Variants in PHLDB2 observed in about 807,000 individuals in gnomAD.
The protein encoded by PHLDB2 is pleckstrin homology-like domain family B member 2.
PHLDB2 carries 71 observed loss-of-function variants against 123.6 expected under a neutral mutation model. The observed-to-expected ratio is 0.57, with a 90% CI of 0.47 to 0.70. The LOEUF (loss-of-function observed/expected upper bound fraction) is 0.70. Among genes scored for constraint, PHLDB2 ranks in the 30% least tolerant of loss-of-function variants. The pLI, the probability that PHLDB2 is intolerant of heterozygous loss-of-function variation, is 0.00. For synonymous variants in PHLDB2, 547 were observed against 541.6 expected (o/e 1.01, Z -0.14); for missense variants, 1,446 against 1,519.5 (o/e 0.95, Z 0.80).
At chr3:111,772,027 T>TATATTTTGACA (rs1300789222) in intron 1 of PHLDB2, among the ~76,000 whole-genome samples, 1 of 150,266 alleles carries the variant, frequency 6.7e-6, no homozygotes, top group African/African-American at 2.4e-5. Flanking sequence ...TTTTGACAAA[T>TATATTTTGACA]AACCCTTTGA....
Position 111,780,296 on chromosome 3 carries a change from A to T in PHLDB2, c.-49+47593A>T, listed in dbSNP as rs563226763. Among the ~76,000 whole-genome samples, 18 of 1,636 alleles carry T rather than the reference A, an allele frequency of 0.011. 2 individuals carry two copies. In the South Asian group the frequency reaches 0.41, roughly 37 times the overall value. The allele number at this position is 1,636 out of a possible 152,430, so 1.1% of individuals were successfully genotyped here. A position where few individuals can be genotyped will look rare whatever the true frequency, so the allele number is the denominator to read the frequency against. The stretch of plus-strand genomic sequence containing the variant: ...AAAGAAGAAGAAGAAGAAGAAGAAG[A>T]GGAAGAGGAAGAGGAAGAGGAAGAG... On this transcript the variant is annotated intron_variant, in intron 1 of 17. Transcript: ENST00000393923.
chr3:111,909,776 TA>T (rs552148205), intron 2 of PHLDB2, among the ~76,000 whole-genome samples: 12,964 of 139,794 alleles, frequency 0.093, 808 homozygotes, highest in African/African-American at 0.2. Flanking sequence ...TAGGTCCTCC[TA>T]AAAAAAAAAA....
rs62277600 is a variant in PHLDB2, at chr3:111,923,233, G to A, written c.2001+2814G>A. Among the ~76,000 whole-genome samples the A allele has an allele frequency of 5.3e-3, 804 of 152,272 alleles. 2 individuals carry two copies. Among genetic ancestry groups the A allele is most frequent in the Non-Finnish European group, 9.0e-3 (612 of 68,022 alleles). On this transcript the variant is annotated intron_variant, in intron 5 of 17. Coordinates refer to ENST00000431670, the MANE Select transcript of PHLDB2 (RefSeq NM_001134438.2). ...TAAGACTACTAAAGACCTCAGTGGT[G>A]CCCAGCCTGCTGGGTGCTTTTCAGT...
intron 1 of PHLDB2, among the ~76,000 whole-genome samples, chr3:111,870,059 C>T (rs1029368162): frequency 5.3e-5 from 8 of 152,184 alleles, no homozygotes; most frequent in African/African-American, 1.9e-4. Context: ...TTTTTTCTCT[C>T]TCTGCTGTGA....
intron 1 of PHLDB2, among the ~76,000 whole-genome samples, chr3:111,872,148 G>A (rs180798459): frequency 5.1e-4 from 77 of 152,268 alleles, no homozygotes; most frequent in Admixed American, 1.2e-3. Flanking sequence ...TCTCAGATGG[G>A]CACCAGATGC....
rs1415587282 is a variant in PHLDB2, at chr3:111,945,355, G to A, written c.2485G>A (p.Glu829Lys). 1.3e-6 allele frequency: 2 copies of A among 1,590,760 alleles called. No homozygotes were observed. The highest frequency in any genetic ancestry group is 1.7e-6 in the Non-Finnish European group (2 of 1,160,230). Residue 829 changes from glutamate (E) to lysine (K), a missense_variant and splice_region_variant, in exon 9 of 18, where the codon GAG becomes AAG. By Grantham distance (56) the Glu-to-Lys change is moderately conservative. Transcript: ENST00000431670. ...GFPVNPNTLK[E>K]GYISVNEINE... ...TCCCGTTAACCCCAATACTTTAAAA[G>A]AGGTAAGCTATGATTTTACATGTCG... is the stretch of plus-strand genomic sequence containing the variant.
At position 111,764,957 on chromosome 3, in the gene PHLDB2, G is replaced by A. The variant is rs181090314; in HGVS notation, c.-49+32254G>A. Among the ~76,000 whole-genome samples the A allele has an allele frequency of 3.3e-5, 5 of 152,302 alleles. No individual in the cohort carries two copies. In the East Asian group the frequency reaches 9.6e-4, roughly 29 times the overall value. ...ACCCAAGCGACATCACCATGAAGAGGAATTGTAGAATCACAGATCTGAGAG... is the reference window on the plus strand; with the variant it reads ...ACCCAAGCGACATCACCATGAAGAGAAATTGTAGAATCACAGATCTGAGAG... On this transcript the variant is annotated intron_variant, in intron 1 of 17. Transcript: ENST00000393923.
intron 5 of PHLDB2, among the ~76,000 whole-genome samples, chr3:111,922,545 A>G (rs962511160): frequency 1.3e-5 from 2 of 152,190 alleles, no homozygotes; most frequent in African/African-American, 4.8e-5. Flanking sequence ...CTTAGAAGGT[A>G]GGATTATTCT....
In PHLDB2 at chr3:111,800,842, A is replaced by C. The variant is rs999762605; in HGVS notation, c.-48-44979A>C. 2.6e-5 allele frequency among the ~76,000 whole-genome samples: 4 copies of C among 152,306 alleles called. No homozygotes were observed. In the South Asian group the frequency reaches 8.3e-4, roughly 32 times the overall value. ...GAGGGAGTGTGAGAACACAAAAGAA[A>C]GCTTACTAAATTTGGCTGGGGAAAG... On this transcript the variant is annotated intron_variant, in intron 1 of 17. Coordinates refer to the PHLDB2 transcript ENST00000393923.
At chr3:111,918,947 T>A in intron 3 of PHLDB2, 125 bp from the exon 4 acceptor site, 1 of 962,320 alleles carries the variant, frequency 1.0e-6, no homozygotes, top group Non-Finnish European at 1.6e-6. Context: ...GTTGCAGGGA[T>A]GCTTTTAAAA....
chr3:111,767,449 C>T (rs2060102343), intron 1 of PHLDB2, among the ~76,000 whole-genome samples: 1 of 152,194 alleles, frequency 6.6e-6, no homozygotes, highest in Admixed American at 6.5e-5. Context: ...GATGACATAA[C>T]TTAGAATTGG....
At chr3:111,887,750 C>T (rs896363149) in intron 2 of PHLDB2, among the ~76,000 whole-genome samples, 1 of 152,058 alleles carries the variant, frequency 6.6e-6, no homozygotes, top group African/African-American at 2.4e-5. Flanking sequence ...ATCTTAGGCT[C>T]TTAATTTGGT....
chr3:111,834,243 G>C (rs1264169774), intron 1 of PHLDB2, among the ~76,000 whole-genome samples: 2 of 82,160 alleles, frequency 2.4e-5, no homozygotes, highest in African/African-American at 1.2e-4. Flanking sequence ...GTATATAATA[G>C]AATTATATAT....
At chr3:111,945,023 T>C (rs548906659) in intron 8 of PHLDB2, among the ~76,000 whole-genome samples, 4 of 152,342 alleles carry the variant, frequency 2.6e-5, no homozygotes, top group African/African-American at 9.6e-5. Context: ...AATGACTCTA[T>C]AAAATTTATT....
At position 111,830,969 on chromosome 3, in the gene PHLDB2, G is replaced by GAAAGA. The variant is rs1559855018; in HGVS notation, c.-48-14849_-48-14845dup. On this transcript the variant is annotated intron_variant, in intron 1 of 17. Transcript: ENST00000393923. ...AAAGAAAGAAAGAGAAAGAAAGAAAGAAAGAAAGAAAGAAAGAAAGAAAGA... is the reference window on the plus strand; with the variant it reads ...AAAGAAAGAAAGAGAAAGAAAGAAAGAAAGAAAAGAAAGAAAGAAAGAAAGAAAGA... Among the ~76,000 whole-genome samples, 5 of 30,388 alleles carry GAAAGA rather than the reference G, an allele frequency of 1.6e-4. 1 individual carries two copies. The highest frequency in any genetic ancestry group is 9.7e-4 in the African/African-American group (5 of 5,134). The allele number at this position is 30,388 out of a possible 152,430, so 19.9% of individuals were successfully genotyped here. A position where few individuals can be genotyped will look rare whatever the true frequency, so the allele number is the denominator to read the frequency against.
intron 2 of PHLDB2, among the ~76,000 whole-genome samples, chr3:111,909,076 A>T (rs2067720696): frequency 6.6e-6 from 1 of 152,150 alleles, no homozygotes; most frequent in South Asian, 2.1e-4. Context: ...GCATACCATG[A>T]TATGCCACAG....
At chr3:111,896,348 T>C (rs1226588581) in intron 2 of PHLDB2, among the ~76,000 whole-genome samples, 3 of 75,476 alleles carry the variant, frequency 4.0e-5, no homozygotes, top group Non-Finnish European at 8.6e-5. Context: ...TAATTCTTTT[T>C]TCTTCCCCCG....
chr3:111,790,611 C>T (rs1346792694), intron 1 of PHLDB2, among the ~76,000 whole-genome samples: 3 of 152,212 alleles, frequency 2.0e-5, no homozygotes, highest in East Asian at 1.9e-4. Context: ...AAGAACCTTT[C>T]GCAGATGCAA....
chr3:111,808,427 A>G (rs866178174), intron 1 of PHLDB2, among the ~76,000 whole-genome samples: 6 of 152,058 alleles, frequency 3.9e-5, no homozygotes, highest in Middle Eastern at 6.9e-3. Flanking sequence ...TCACCTCCAC[A>G]TCCTGTGCTG....
Sources: allele counts gnomAD v4.1 joint callset (sites outside exome capture counted in the v4.1 genomes callset), GRCh38; gene constraint gnomAD v4.1.1; transcripts MANE v1.5; gene names NCBI Gene and HGNC (gene_info 2026-07-23, HGNC 2026-07-21).